NPAS3: variants seen among roughly 807,000 people sequenced by gnomAD.
The protein encoded by NPAS3 is neuronal PAS domain protein 3.
A neutral mutation model predicts 73.1 loss-of-function variants in NPAS3; 14 were observed. The observed-to-expected ratio is 0.19, with a 90% CI of 0.13 to 0.30. The LOEUF is 0.30. Ranked by LOEUF, NPAS3 falls within the 10% of genes least tolerant of loss-of-function variation. The pLI is 1.00. For synonymous variants in NPAS3, 620 were observed against 541.5 expected (o/e 1.14, Z -2.01); for missense variants, 1,096 against 1,250.0 (o/e 0.88, Z 1.86).
At chr14:33,191,697 A>G (rs952277785) in intron 2 of NPAS3, among the ~76,000 whole-genome samples, 1 of 152,214 alleles carries the variant, frequency 6.6e-6, no homozygotes, top group South Asian at 2.1e-4. Context: ...TTGGCTCTCA[A>G]TACTGAATTA....
At chr14:33,662,325 T>C (rs1398486764) in intron 5 of NPAS3, among the ~76,000 whole-genome samples, 1 of 152,200 alleles carries the variant, frequency 6.6e-6, no homozygotes, top group Non-Finnish European at 1.5e-5. Flanking sequence ...GGAAGAAAAG[T>C]TGGTTAGCAC....
chr14:33,383,479 C>A (rs553583669), intron 4 of NPAS3, among the ~76,000 whole-genome samples: 1 of 152,286 alleles, frequency 6.6e-6, no homozygotes, highest in African/African-American at 2.4e-5. Context: ...ATGCATTATG[C>A]ACCTAAGTCC....
chr14:33,281,464 T>C (rs979129595), intron 3 of NPAS3, among the ~76,000 whole-genome samples: 1 of 152,112 alleles, frequency 6.6e-6, no homozygotes, highest in Non-Finnish European at 1.5e-5. Flanking sequence ...AAACTCGGTC[T>C]CTACTAAAAA....
intron 1 of NPAS3, among the ~76,000 whole-genome samples, chr14:33,015,971 A>G (rs2039375174): frequency 6.6e-6 from 1 of 152,190 alleles, no homozygotes; most frequent in Non-Finnish European, 1.5e-5. Context: ...GTTTTTGGCT[A>G]CTTTTTGAAA....
At chr14:33,765,576 C>G (rs2062435633) in intron 7 of NPAS3, among the ~76,000 whole-genome samples, 1 of 152,158 alleles carries the variant, frequency 6.6e-6, no homozygotes, top group African/African-American at 2.4e-5. Flanking sequence ...CCACATCAGC[C>G]AAGGCTTCCT....
At chr14:33,217,904 G>C (rs2047283475) in intron 3 of NPAS3, among the ~76,000 whole-genome samples, 1 of 152,150 alleles carries the variant, frequency 6.6e-6, no homozygotes, top group Middle Eastern at 3.2e-3. Context: ...ATCACTTCTT[G>C]TCATTACTAC....
chr14:33,237,665 T>A (rs950671362), intron 3 of NPAS3, among the ~76,000 whole-genome samples: 1 of 151,988 alleles, frequency 6.6e-6, no homozygotes, highest in African/African-American at 2.4e-5. Flanking sequence ...AAATGGAGGG[T>A]AGTATATAAA....
chr14:33,220,517 T>A (rs1051312435), intron 3 of NPAS3, among the ~76,000 whole-genome samples: 1 of 152,210 alleles, frequency 6.6e-6, no homozygotes, highest in African/African-American at 2.4e-5. Flanking sequence ...AGAACTAACC[T>A]TTTATCTTAC....
intron 4 of NPAS3, among the ~76,000 whole-genome samples, chr14:33,543,959 A>ATATCTATATATC (rs1555409720): frequency 9.1e-5 from 2 of 21,866 alleles, no homozygotes; most frequent in African/African-American, 4.0e-4. Flanking sequence ...ATATATATAT[A>ATATCTATATATC]TATATATATA....
chr14:33,118,569 T>C (rs2043137179), intron 2 of NPAS3, among the ~76,000 whole-genome samples: 1 of 152,126 alleles, frequency 6.6e-6, no homozygotes, highest in Admixed American at 6.6e-5. Context: ...AAAACAACTT[T>C]CTTGTTATAA....
upstream of NPAS3, among the ~76,000 whole-genome samples, chr14:32,938,067 C>T (rs1249033699): frequency 4.6e-5 from 7 of 152,082 alleles, no homozygotes. Context: ...GGAGGGGCTT[C>T]TGTATGTGAG....
Position 33,023,301 on chromosome 14 carries a change from C to G in NPAS3, c.51-32604C>G, listed in dbSNP as rs1171190745. 3.3e-5 allele frequency among the ~76,000 whole-genome samples: 5 copies of G among 152,070 alleles called. No homozygotes were observed. In the East Asian group the frequency reaches 7.7e-4, roughly 23 times the overall value. On this transcript the variant is annotated intron_variant, in intron 1 of 11. Transcript: ENST00000356141. ...ATTACAAGGTCAAATTCATTTTTTT[C>G]TAGTGAGACAAAATGTTAACCTTAC...
intron 4 of NPAS3, among the ~76,000 whole-genome samples, chr14:33,515,708 T>C (rs2053265245): frequency 6.6e-6 from 1 of 152,108 alleles, no homozygotes; most frequent in Non-Finnish European, 1.5e-5. Flanking sequence ...TTTGCATTAC[T>C]CTGTTGTTCT....
intron 7 of NPAS3, among the ~76,000 whole-genome samples, chr14:33,735,808 A>T (rs537500776): frequency 6.6e-6 from 1 of 152,192 alleles, no homozygotes; most frequent in East Asian, 1.9e-4. Flanking sequence ...GGGATATTAG[A>T]AACCTGAATT....
chr14:33,095,657 C>CTTTTTTTT (rs201283993), intron 2 of NPAS3, among the ~76,000 whole-genome samples: 1,117 of 97,612 alleles, frequency 0.011, 280 homozygotes, highest in Middle Eastern at 0.042. Flanking sequence ...GCATTCTCTG[C>CTTTTTTTT]TTTTATTTTT....
intron 1 of NPAS3, among the ~76,000 whole-genome samples, chr14:32,947,217 C>T (rs1406438628): frequency 1.3e-5 from 2 of 152,216 alleles, no homozygotes; most frequent in East Asian, 1.9e-4. Context: ...ACACTCTCTT[C>T]CCCAAATCTC....
chr14:33,211,598 T>C (rs961957687), intron 2 of NPAS3, among the ~76,000 whole-genome samples: 4 of 152,168 alleles, frequency 2.6e-5, no homozygotes, highest in Non-Finnish European at 4.4e-5. Flanking sequence ...GCCTTTAGGT[T>C]GGTGTGATGG....
At chr14:33,401,138 C>T (rs1399125451) in intron 4 of NPAS3, among the ~76,000 whole-genome samples, 1 of 151,674 alleles carries the variant, frequency 6.6e-6, no homozygotes, top group Non-Finnish European at 1.5e-5. Context: ...CCTTCAGAGC[C>T]TTACAAAAAA....
At chr14:33,204,038 T>C (rs1161799280) in intron 2 of NPAS3, among the ~76,000 whole-genome samples, 1 of 152,142 alleles carries the variant, frequency 6.6e-6, no homozygotes, top group East Asian at 1.9e-4. Context: ...TGGTATCTCA[T>C]TGTGGTTTTG....
Sources: gnomAD v4.1 joint callset for allele counts (sites outside exome capture counted in the v4.1 genomes callset) on GRCh38, gnomAD v4.1.1 for gene constraint, MANE v1.5 for transcripts, NCBI Gene and HGNC (gene_info 2026-07-23, HGNC 2026-07-21) for gene names.